The following IGHMBP2 variants were observed in gnomAD, a reference collection of about 807,000 sequenced individuals.
The protein encoded by IGHMBP2 is immunoglobulin mu DNA binding protein 2, also known as DNA-binding protein SMUBP-2.
Under a neutral mutation model 96.0 loss-of-function variants are expected in IGHMBP2, and 81 were observed. The ratio of observed to expected loss-of-function variants is 0.84; its 90% CI spans 0.71 to 1.01. The LOEUF is 1.01. Among genes scored for constraint, IGHMBP2 ranks in the 50% least tolerant of loss-of-function variants. IGHMBP2 has a pLI of 0.00. For missense variants in IGHMBP2, 1,227 were observed against 1,306.3 expected (o/e 0.94, Z 0.94); for synonymous variants, 557 against 548.9 (o/e 1.01, Z -0.21).
intron 7 of IGHMBP2, among the ~76,000 whole-genome samples, chr11:68,921,040 TCCCACTTTG>T (rs1858857079): frequency 6.6e-6 from 1 of 152,140 alleles, no homozygotes. Context: ...CAAGTGATCC[TCCCACTTTG>T]GCCTAAAGTG....
At chr11:68,917,507 G>A (rs981908568) in intron 6 of IGHMBP2, among the ~76,000 whole-genome samples, 1 of 152,156 alleles carries the variant, frequency 6.6e-6, no homozygotes. Flanking sequence ...AGTTAAAAAC[G>A]TGGTCTCTTT....
intron 7 of IGHMBP2, among the ~76,000 whole-genome samples, chr11:68,924,255 G>T (rs566231679): frequency 2.6e-5 from 4 of 152,342 alleles, no homozygotes; most frequent in Non-Finnish European, 5.9e-5. Flanking sequence ...GAGCACTCCC[G>T]TTACAGAGCT....
rs7129375 is a variant in IGHMBP2 at position 68,921,694 on chromosome 11, G to A, written c.1060+3811G>A. On this transcript the variant is annotated intron_variant, in intron 7 of 14. Coordinates refer to ENST00000255078, the MANE Select transcript of IGHMBP2 (RefSeq NM_002180.3). ...AAGAAAAATGTCTTCGTATTTGCCC[G>A]TGTAGTTACCACTTTTGGCGCTTTG... Among the ~76,000 whole-genome samples the A allele has an allele frequency of 3.7e-3, 558 of 152,214 alleles. 6 individuals are homozygous for A. The highest frequency in any genetic ancestry group is 6.6e-3 in the Non-Finnish European group (449 of 68,016).
Position 68,935,379 on chromosome 11 carries a change from G to A in IGHMBP2, c.1713G>A (p.Glu571=), listed in dbSNP as rs763399210. Residue 571 remains glutamate, a synonymous_variant, in exon 12 of 15, where the codon GAG becomes GAA. Transcript: ENST00000255078. Reference sequence around the variant, plus strand: ...CTGTCGATGGCTTCCAAGGCCGAGAGAAGGAGGCCGTGATACTGTCCTTCG... The same window carrying A: ...CTGTCGATGGCTTCCAAGGCCGAGAAAAGGAGGCCGTGATACTGTCCTTCG... The part of the protein sequence containing the change: ...IKSVDGFQGR[E]KEAVILSFVR... The A allele has an allele frequency of 3.7e-6, 6 of 1,614,054 alleles. No individual in the cohort carries two copies. In the African/African-American group the frequency reaches 5.3e-5, roughly 14 times the overall value.
chr11:68,904,303 G>GCCCTGGC (rs1438986191), intron 1 of IGHMBP2, among the ~76,000 whole-genome samples: 1 of 152,114 alleles, frequency 6.6e-6, no homozygotes, highest in Non-Finnish European at 1.5e-5. Flanking sequence ...ACACTCCTGG[G>GCCCTGGC]CCCTGGCCCC....
intron 5 of IGHMBP2, among the ~76,000 whole-genome samples, chr11:68,913,062 A>AAAAAAAAAC: frequency 6.7e-6 from 1 of 149,614 alleles, no homozygotes; most frequent in Non-Finnish European, 1.5e-5. Flanking sequence ...AAAAAAAAAA[A>AAAAAAAAAC]AAAAAACCAA....
chr11:68,910,285 T>C (rs1423594461), intron 4 of IGHMBP2, among the ~76,000 whole-genome samples: 1 of 152,242 alleles, frequency 6.6e-6, no homozygotes, highest in Non-Finnish European at 1.5e-5. Context: ...TTTATTTCTA[T>C]GAAATATTTA....
At chr11:68,922,123 G>A (rs1858898858) in intron 7 of IGHMBP2, among the ~76,000 whole-genome samples, 1 of 151,974 alleles carries the variant, frequency 6.6e-6, no homozygotes, top group Admixed American at 6.6e-5. Flanking sequence ...CTGAGGTCAG[G>A]AGTCCGAGAC....
chr11:68,926,550 TG>T (rs1337109955), intron 7 of IGHMBP2, among the ~76,000 whole-genome samples: 1 of 152,192 alleles, frequency 6.6e-6, no homozygotes. Context: ...ATTACAGGCA[TG>T]AACCACCATG....
chr11:68,921,492 T>C (rs1858875466), intron 7 of IGHMBP2, among the ~76,000 whole-genome samples: 1 of 152,346 alleles, frequency 6.6e-6, no homozygotes, highest in East Asian at 1.9e-4. Flanking sequence ...CAACTCATCA[T>C]AGTCTGTTCA....
chr11:68,922,637 G>A (rs562315914), intron 7 of IGHMBP2, among the ~76,000 whole-genome samples: 6 of 152,244 alleles, frequency 3.9e-5, no homozygotes, highest in East Asian at 1.9e-4. Context: ...CTCGTGATCC[G>A]CCTGCCTTGG....
Position 68,908,192 on chromosome 11 carries a change from G to C in IGHMBP2, c.304G>C (p.Ala102Pro). The stretch of plus-strand genomic sequence containing the variant: ...TGCTGCTAATGAGGGCAGTCAGCTG[G>C]CCACTGGGATCTTGACCCGGGTCAC... The part of the protein sequence containing the change: ...YDAANEGSQL[A>P]TGILTRVTQK... The change falls in exon 3 of 15, where the codon GCC (alanine) becomes CCC (proline). Residue 102 changes from alanine (A) to proline (P), a missense_variant. Coordinates refer to ENST00000255078, the MANE Select transcript of IGHMBP2 (RefSeq NM_002180.3). 2 of 1,614,026 alleles carry C rather than the reference G, an allele frequency of 1.2e-6. No individual in the cohort carries two copies. The highest frequency in any genetic ancestry group is 1.7e-6 in the Non-Finnish European group (2 of 1,180,028).
intron 5 of IGHMBP2, 72 bp downstream of exon 5, chr11:68,911,675 C>G: frequency 7.0e-7 from 1 of 1,436,154 alleles, no homozygotes; most frequent in South Asian, 1.1e-5. Flanking sequence ...GGGTGCTCAG[C>G]GACCTTTCAG....
intron 8 of IGHMBP2, chr11:68,930,034 T>G: frequency 3.6e-6 from 4 of 1,098,128 alleles, no homozygotes; most frequent in Non-Finnish European, 4.4e-6. Context: ...CACACAGGCC[T>G]CGCTGGCCCC....
intron 8 of IGHMBP2, chr11:68,929,955 A>T: frequency 1.9e-6 from 2 of 1,072,954 alleles, no homozygotes; most frequent in South Asian, 2.5e-5. Flanking sequence ...CTTGGTGGAG[A>T]AAGTGCTGCC....
rs117555788 is a variant in IGHMBP2 at position 68,922,760 on chromosome 11, T to C, written c.1060+4877T>C. ...TACCCTCTTAAATGTTTAAGTGTAC[T>C]ATATAATATTGTTAACTATAGACGT... is the stretch of plus-strand genomic sequence containing the variant. On this transcript the variant is annotated intron_variant, in intron 7 of 14. Transcript: ENST00000255078. 5.5e-3 allele frequency among the ~76,000 whole-genome samples: 832 copies of C among 152,354 alleles called. 6 individuals carry two copies. The highest frequency in any genetic ancestry group is 9.0e-3 in the Admixed American group (138 of 15,308).
intron 7 of IGHMBP2, 32 bp from the exon 8 acceptor site, chr11:68,929,151 C>A: frequency 6.2e-7 from 1 of 1,606,396 alleles, no homozygotes; most frequent in Non-Finnish European, 8.5e-7. Flanking sequence ...CAGCTGTGCC[C>A]CTGGAGACTC....
rs563460158 is a variant in IGHMBP2, at chr11:68,937,009, C to T, written c.2529C>T (p.Ser843=). 1.6e-5 allele frequency: 26 copies of T among 1,608,642 alleles called. No homozygotes were observed. Among genetic ancestry groups the T allele is most frequent in the African/African-American group, 2.7e-5 (2 of 75,000 alleles). ...LHLERLQRVR[S]AQGQPASKEQ... is the part of the protein sequence containing the mutation. ...TGGAGAGACTGCAGAGGGTCAGGAG[C>T]GCGCAGGGGCAGCCCGCCAGCAAGG... is the stretch of plus-strand genomic sequence containing the variant. The change falls in exon 13 of 15, where the codon AGC becomes AGT. Residue 843 remains serine (S), a synonymous_variant. Transcript: ENST00000255078.
chr11:68,908,631 C>G lies in IGHMBP2; in HGVS notation c.547C>G (p.His183Asp), dbSNP rs548256623. The G allele has an allele frequency of 1.2e-6, 2 of 1,603,212 alleles. No homozygotes were observed. Among genetic ancestry groups the G allele is most frequent in the South Asian group, 1.1e-5 (1 of 90,842 alleles). Residue 183 changes from histidine (H) to aspartate (D), a missense_variant and splice_region_variant, in exon 4 of 15, where the codon CAC (histidine) becomes GAC (aspartate). Around this residue, in one of 3 missense-constraint regions of IGHMBP2, gnomAD observed 507 missense variants for 496.9 expected, o/e 1.02. Coordinates refer to ENST00000255078, the MANE Select transcript of IGHMBP2 (RefSeq NM_002180.3). ...TGCTCCCAGTCCTGCCAGTGAAATA[C>G]GTAAGAACTTCTGAGTTTTCTTTTT... Reference protein sequence around the residue: ...RSAPSPASEIHPLTFFNTCLD... With the variant: ...RSAPSPASEIDPLTFFNTCLD...
Sources: allele counts gnomAD v4.1 joint callset (sites outside exome capture counted in the v4.1 genomes callset), GRCh38; gene constraint gnomAD v4.1.1; regional missense constraint gnomAD v4.1.1; transcripts MANE v1.5; gene names NCBI Gene and HGNC (gene_info 2026-07-23, HGNC 2026-07-21).